Variants in SORBS2 observed in about 807,000 individuals in gnomAD.
The protein encoded by SORBS2 is sorbin and SH3 domain containing 2.
SORBS2 carries 46 observed loss-of-function variants against 97.7 expected under a neutral mutation model. The observed-to-expected ratio is 0.47, with a 90% CI of 0.37 to 0.60. The LOEUF is 0.60. Ranked by LOEUF, SORBS2 falls within the 20% of genes least tolerant of loss-of-function variation. The pLI, the probability that SORBS2 is intolerant of heterozygous loss-of-function variation, is 0.00. For missense variants in SORBS2, 1,316 were observed against 1,282.3 expected, an observed-to-expected ratio of 1.03 and a Z score of -0.40; for synonymous variants, 476 against 473.4, an observed-to-expected ratio of 1.01 and a Z score of -0.07.
intron 2 of SORBS2, among the ~76,000 whole-genome samples, chr4:185,765,041 T>C (rs981043628): frequency 1.3e-5 from 2 of 151,524 alleles, no homozygotes; most frequent in Non-Finnish European, 3.0e-5. Flanking sequence ...GTTTCATCAG[T>C]TTTTTTTTCT....
chr4:185,863,632 TG>T (rs2099225160), intron 1 of SORBS2, among the ~76,000 whole-genome samples: 1 of 152,212 alleles, frequency 6.6e-6, no homozygotes, highest in South Asian at 2.1e-4. Context: ...TCCTTCTTCT[TG>T]TTTAGAATTA....
At chr4:185,678,507 G>A (rs891891804) in exon 4 of SORBS2, 24 of 1,549,690 alleles carry the variant, frequency 1.5e-5, no homozygotes, top group Admixed American at 4.0e-5. Context: ...TAGCATCTCC[G>A]TTCAGTGTCT....
At chr4:185,948,622 A>G (rs2099275714) in intron 1 of SORBS2, among the ~76,000 whole-genome samples, 2 of 147,904 alleles carry the variant, frequency 1.4e-5, no homozygotes, top group African/African-American at 2.5e-5. Context: ...GGTTCAAGCA[A>G]TTCTCCTGCC....
intron 5 of SORBS2, among the ~76,000 whole-genome samples, chr4:185,629,560 A>ATTTTT (rs201590422): frequency 3.7e-5 from 5 of 134,080 alleles, no homozygotes; most frequent in South Asian, 2.3e-4. Context: ...GAATTTTGTG[A>ATTTTT]TTTGTTTTTT....
intron 4 of SORBS2, among the ~76,000 whole-genome samples, chr4:185,677,803 C>A (rs2153499649): frequency 6.6e-6 from 1 of 152,296 alleles, no homozygotes; most frequent in South Asian, 2.1e-4. Context: ...ATTGAGTGAT[C>A]ATTTTCATTC....
chr4:185,931,978 GTCTCTCTC>G (rs71598510), intron 1 of SORBS2, among the ~76,000 whole-genome samples: 6 of 140,012 alleles, frequency 4.3e-5, no homozygotes, highest in Admixed American at 7.0e-5. Flanking sequence ...GGAAGAACCT[GTCTCTCTC>G]TCTCTCTCTC....
In SORBS2 at chr4:185,625,566, A is replaced by G. The variant is rs144911951; in HGVS notation, c.635-1072T>C. 8.7e-3 allele frequency among the ~76,000 whole-genome samples: 1,319 copies of G among 152,354 alleles called. 19 individuals carry two copies. The highest frequency in any genetic ancestry group is 0.029 in the African/African-American group (1,207 of 41,578). On this transcript the variant is annotated intron_variant, in intron 6 of 14. Transcript: ENST00000418609. ...ATTCCCTGTGATGAAACAAATATCT[A>G]CATTTATCAGAACCCTTTTAACTTT...
intron 2 of SORBS2, among the ~76,000 whole-genome samples, chr4:185,749,939 C>T (rs2098789348): frequency 6.6e-6 from 1 of 152,238 alleles, no homozygotes; most frequent in Admixed American, 6.5e-5. Flanking sequence ...CTTCATTTTC[C>T]ATCTATAAAC....
chr4:185,642,710 C>T (rs537495833), intron 4 of SORBS2, among the ~76,000 whole-genome samples: 70 of 152,308 alleles, frequency 4.6e-4, no homozygotes, highest in African/African-American at 1.4e-3. Context: ...AGAACATAAA[C>T]GCATATGCCA....
At chr4:185,767,516 A>G (rs1290291739) in intron 2 of SORBS2, among the ~76,000 whole-genome samples, 3 of 147,408 alleles carry the variant, frequency 2.0e-5, no homozygotes, top group Admixed American at 6.7e-5. Flanking sequence ...AAAAAAAAAA[A>G]AAAGAGAAAG....
chr4:185,702,264 G>C lies in SORBS2; in HGVS notation c.-197-23442C>G, dbSNP rs180708958. ...TGCTTGGGTTTTAGAGAGGCCTCAT[G>C]ATGCTTCCACTCCTGGTGGAGGGGA... is the stretch of plus-strand genomic sequence containing the variant. On this transcript the variant is annotated intron_variant, in intron 2 of 20. Coordinates refer to the SORBS2 transcript ENST00000284776. Among the ~76,000 whole-genome samples, 3 of 152,256 alleles carry C rather than the reference G, an allele frequency of 2.0e-5. No individual in the cohort carries two copies. In the East Asian group the frequency reaches 5.8e-4, roughly 29 times the overall value.
At position 185,815,867 on chromosome 4, in the gene SORBS2, GTTTGA is replaced by G. The variant is rs1272842071; in HGVS notation, c.-337-40506_-337-40502del. Among the ~76,000 whole-genome samples, 6 of 152,186 alleles carry G rather than the reference GTTTGA, an allele frequency of 3.9e-5. No individual in the cohort carries two copies. In the South Asian group the frequency reaches 8.3e-4, roughly 21 times the overall value. On this transcript the variant is annotated intron_variant, in intron 1 of 20. Coordinates refer to the SORBS2 transcript ENST00000284776. ...TACTATTCTTTGCACTTTTCTATAA[GTTTGA>G]TTTGTTTTCAAGATACAAAGTTTTA...
chr4:185,686,212 A>T (rs907644788), intron 2 of SORBS2, among the ~76,000 whole-genome samples: 1 of 152,152 alleles, frequency 6.6e-6, no homozygotes, highest in South Asian at 2.1e-4. Context: ...TTTCATAAGG[A>T]AAGTATCAAG....
At chr4:185,649,707 T>G in intron 2 of SORBS2, 51 bp from the exon 12 acceptor site, 1 of 1,164,482 alleles carries the variant, frequency 8.6e-7, no homozygotes, top group Non-Finnish European at 1.1e-6. Flanking sequence ...AAATCACCTC[T>G]TAAAAATGAA....
intron 1 of SORBS2, among the ~76,000 whole-genome samples, chr4:185,875,113 G>T (rs2099232756): frequency 6.6e-6 from 1 of 151,848 alleles, no homozygotes; most frequent in African/African-American, 2.4e-5. Flanking sequence ...CCAAATCTGA[G>T]GGTAAAACTT....
chr4:185,646,722 C>A, exon 4 of SORBS2: 5 of 1,614,002 alleles, frequency 3.1e-6, no homozygotes, highest in Non-Finnish European at 4.2e-6. Context: ...CAAAAATACT[C>A]CTTGGCTCAG....
intron 6 of SORBS2, 50 bp downstream of exon 18, chr4:185,626,782 G>A: frequency 6.3e-7 from 1 of 1,580,066 alleles, no homozygotes. Context: ...CAGTGCTCTA[G>A]GCTAAAACGT....
intron 1 of SORBS2, among the ~76,000 whole-genome samples, chr4:185,939,234 C>G (rs943315813): frequency 1.3e-5 from 2 of 152,176 alleles, no homozygotes; most frequent in African/African-American, 4.8e-5. Flanking sequence ...CCATCCTTCT[C>G]TCATCAGACA....
chr4:185,673,471 G>A (rs1266082589), intron 4 of SORBS2, among the ~76,000 whole-genome samples: 1 of 152,108 alleles, frequency 6.6e-6, no homozygotes, highest in Non-Finnish European at 1.5e-5. Context: ...AAAAAATGAA[G>A]TATTGTTGAA....
Sources: gnomAD v4.1 joint callset for allele counts (sites outside exome capture counted in the v4.1 genomes callset) on GRCh38, gnomAD v4.1.1 for gene constraint, MANE v1.5 for transcripts, NCBI Gene and HGNC (gene_info 2026-07-23, HGNC 2026-07-21) for gene names.